Variants in CUZD1 observed in about 807,000 individuals in gnomAD.
CUZD1 encodes the protein CUB and zona pellucida-like domain-containing protein 1.
A neutral mutation model predicts 53.1 loss-of-function variants in CUZD1; 42 were observed. The observed-to-expected ratio is 0.79, with a 90% CI of 0.62 to 1.02. CUZD1 has a LOEUF of 1.02. Ranked by LOEUF, CUZD1 falls within the 50% of genes least tolerant of loss-of-function variation. The pLI, the probability that CUZD1 is intolerant of heterozygous loss-of-function variation, is 0.00. For synonymous variants in CUZD1, 238 were observed against 257.2 expected, an observed-to-expected ratio of 0.93 and a Z score of 0.71; for missense variants, 670 against 715.7, an observed-to-expected ratio of 0.94 and a Z score of 0.73.
Position 122,834,849 on chromosome 10 carries a change from T to C in CUZD1, c.1239A>G (p.Pro413=), listed in dbSNP as rs762227956. The C allele has an allele frequency of 9.3e-6, 15 of 1,613,732 alleles. No homozygotes were observed. In the African/African-American group the frequency reaches 1.7e-4, roughly 19 times the overall value. The change falls in exon 7 of 9, where the codon CCA becomes CCG. Residue 413 remains proline (P), a synonymous_variant. Transcript: ENST00000392790. ...GAGTTTGGTTCAAATCCACATAATATGGTGATTCAAGTATAGTCTTTTCAA... is the reference window on the plus strand; with the variant it reads ...GAGTTTGGTTCAAATCCACATAATACGGTGATTCAAGTATAGTCTTTTCAA... The part of the protein sequence containing the change: ...NSFEKTILES[P]YYVDLNQTLF...
In CUZD1 at chr10:122,844,560, G is replaced by A. The variant is rs78657516; in HGVS notation, c.82+1202C>T. Among the ~76,000 whole-genome samples the A allele has an allele frequency of 5.4e-3, 815 of 152,238 alleles. 16 individuals are homozygous for A. In the East Asian group the frequency reaches 0.066, roughly 12 times the overall value. On this transcript the variant is annotated intron_variant, in intron 1 of 8. Coordinates refer to ENST00000392790, the MANE Select transcript of CUZD1 (RefSeq NM_022034.6). The stretch of plus-strand genomic sequence containing the variant: ...AATAACTGGATCCTAAAGATAAGCT[G>A]TTAGCAGTGAAATTACCCGGTAAGG...
Position 122,833,816 on chromosome 10 carries a change from A to G in CUZD1, c.1507T>C (p.Cys503Arg). 1 of 1,614,148 alleles carries G rather than the reference A, an allele frequency of 6.2e-7. No homozygotes were observed. Among genetic ancestry groups the G allele is most frequent in the Non-Finnish European group, 8.5e-7 (1 of 1,179,994 alleles). ...CGAGACTGGTGGTCACTGCTATCAC[A>G]TATCAAAACTTTACACTGCAGATAC... ...SVYLQCKVLI[C>R]DSSDHQSRCN... The change falls in exon 8 of 9, where the codon TGT becomes CGT. Residue 503 changes from cysteine (C) to arginine (R), a missense_variant. By Grantham distance (180) the Cys-to-Arg change is radical (BLOSUM62 -3). Transcript: ENST00000392790.
At position 122,836,874 on chromosome 10, in the gene CUZD1, A is replaced by T. The variant is rs761933837; in HGVS notation, c.774T>A (p.Phe258Leu). The change falls in exon 5 of 9, where the codon TTT becomes TTA. Residue 258 changes from phenylalanine to leucine, a missense_variant. Phe to Leu is a conservative substitution (Grantham distance 22). Coordinates refer to ENST00000392790, the MANE Select transcript of CUZD1 (RefSeq NM_022034.6). ...CATAAATTGAGGTGTAGGAAGCAGA[A>T]AATCCCCGGTAAGAATTGGCATAAT... ...STDYANSYRG[F>L]SASYTSIYAE... is the part of the protein sequence containing the mutation. 6.2e-7 allele frequency: 1 copy of T among 1,614,110 alleles called. No homozygotes were observed.
chr10:122,845,731 T>C lies in CUZD1; in HGVS notation c.82+31A>G, dbSNP rs781753358. On this transcript the variant is annotated intron_variant, in intron 1 of 8. Transcript: ENST00000392790. Reference sequence around the variant, plus strand: ...CTCTTAAGAGAAGAACTTCTCTGTTTTGGTGAATAAATCTGGTTCAATTTT... The same window carrying C: ...CTCTTAAGAGAAGAACTTCTCTGTTCTGGTGAATAAATCTGGTTCAATTTT... 3.1e-6 allele frequency: 5 copies of C among 1,600,012 alleles called. No homozygotes were observed. In the South Asian group the frequency reaches 5.6e-5, roughly 18 times the overall value.
Position 122,839,061 on chromosome 10 carries a change from T to G in CUZD1, c.404A>C (p.Gln135Pro). 6.2e-7 allele frequency: 1 copy of G among 1,614,178 alleles called. No homozygotes were observed. The highest frequency in any genetic ancestry group is 8.5e-7 in the Non-Finnish European group (1 of 1,179,996). ...GTAGTAGAAGACAAAGACAGTTCTT[T>G]GAATTCTTGCTGAGTCAGTAACTAT... ...FQIVTDSARI[Q>P]RTVFVFYYFF... is the part of the protein sequence containing the mutation. The change falls in exon 3 of 9, where the codon CAA becomes CCA. Residue 135 changes from glutamine to proline, a missense_variant. Gln to Pro is a moderately conservative substitution (Grantham distance 76). Transcript: ENST00000392790.
At chr10:122,834,031 C>T in intron 7 of CUZD1, 91 bp from the exon 8 acceptor site, 1 of 1,110,908 alleles carries the variant, frequency 9.0e-7, no homozygotes, top group Non-Finnish European at 1.3e-6. Flanking sequence ...AGTTGTGAAT[C>T]CAAAAATCTC....
At chr10:122,838,920 A>G (rs896297007) in intron 3 of CUZD1, 97 bp downstream of exon 3, 11 of 882,612 alleles carry the variant, frequency 1.2e-5, no homozygotes, top group Non-Finnish European at 2.0e-5. Context: ...CTCTGAGGGA[A>G]TATACTCAGA....
At chr10:122,845,064 A>C (rs1847414743) in intron 1 of CUZD1, among the ~76,000 whole-genome samples, 1 of 147,378 alleles carries the variant, frequency 6.8e-6, no homozygotes, top group Non-Finnish European at 1.5e-5. Context: ...TGGACACATT[A>C]TAGATCAGAG....
At chr10:122,841,995 G>GCA (rs1555071530) in intron 1 of CUZD1, among the ~76,000 whole-genome samples, 1 of 151,520 alleles carries the variant, frequency 6.6e-6, no homozygotes, top group Non-Finnish European at 1.5e-5. Context: ...GGTTTTGAGA[G>GCA]TTTTTTATAT....
At chr10:122,837,618 GTTGTGCA>G in intron 3 of CUZD1, 64 bp from the exon 4 acceptor site, 1 of 1,449,270 alleles carries the variant, frequency 6.9e-7, no homozygotes. Context: ...TAATTTCTGT[GTTGTGCA>G]TTGAGCTTAA....
At chr10:122,842,412 A>G (rs1159254130) in intron 1 of CUZD1, among the ~76,000 whole-genome samples, 1 of 152,228 alleles carries the variant, frequency 6.6e-6, no homozygotes, top group Non-Finnish European at 1.5e-5. Context: ...CACCTTTGTC[A>G]AAAATCAAAG....
chr10:122,834,600 A>T (rs1174281755), intron 7 of CUZD1, 106 bp downstream of exon 7: 2 of 747,482 alleles, frequency 2.7e-6, no homozygotes, highest in Non-Finnish European at 4.0e-6. Context: ...AATTTCATGT[A>T]GTGCTAGGAA....
intron 8 of CUZD1, among the ~76,000 whole-genome samples, chr10:122,833,005 A>G (rs980428525): frequency 6.6e-6 from 1 of 152,230 alleles, no homozygotes; most frequent in African/African-American, 2.4e-5. Flanking sequence ...GCTACAAACC[A>G]GAACCATACT....
At chr10:122,836,465 T>A in intron 5 of CUZD1, 115 bp from the exon 6 acceptor site, 1 of 891,198 alleles carries the variant, frequency 1.1e-6, no homozygotes, top group Non-Finnish European at 1.6e-6. Context: ...CATTTTGCCC[T>A]AAACAGTAAT....
intron 5 of CUZD1, 39 bp from the exon 6 acceptor site, chr10:122,836,389 A>T (rs766187612): frequency 6.7e-7 from 1 of 1,491,054 alleles, no homozygotes; most frequent in Non-Finnish European, 8.9e-7. Context: ...GGTCATGTTT[A>T]TGCCAGCTAG....
intron 8 of CUZD1, 28 bp from the exon 9 acceptor site, chr10:122,832,478 C>G: frequency 6.2e-7 from 1 of 1,609,318 alleles, no homozygotes; most frequent in South Asian, 1.1e-5. Flanking sequence ...ATGAAAATCA[C>G]TTTTTAAGAA....
At chr10:122,839,528 C>T (rs1275365651) in intron 2 of CUZD1, among the ~76,000 whole-genome samples, 1 of 152,172 alleles carries the variant, frequency 6.6e-6, no homozygotes, top group Admixed American at 6.5e-5. Flanking sequence ...TCTCCTGTTC[C>T]CCATGTCCAT....
chr10:122,835,153 G>C, intron 6 of CUZD1, 56 bp from the exon 7 acceptor site: 4 of 1,351,034 alleles, frequency 3.0e-6, no homozygotes, highest in Non-Finnish European at 4.0e-6. Flanking sequence ...ATATTTTAGA[G>C]CATAGATGTG....
intron 3 of CUZD1, among the ~76,000 whole-genome samples, chr10:122,838,359 G>C (rs1591711185): frequency 6.6e-6 from 1 of 152,222 alleles, no homozygotes; most frequent in South Asian, 2.1e-4. Flanking sequence ...GAAATCCACA[G>C]TGGAGCTCTC....
Sources: gnomAD v4.1 joint callset for allele counts (sites outside exome capture counted in the v4.1 genomes callset) on GRCh38, gnomAD v4.1.1 for gene constraint, MANE v1.5 for transcripts, NCBI Gene and HGNC (gene_info 2026-07-23, HGNC 2026-07-21) for gene names.